The following LRP1B variants were observed in gnomAD, a reference collection of about 807,000 sequenced individuals.
LRP1B encodes the protein LDL receptor related protein 1B.
In LRP1B, 217 loss-of-function variants were observed where a neutral mutation model predicts 556.6. That is an observed-to-expected ratio of 0.39 (90% CI 0.35 to 0.44). The LOEUF (loss-of-function observed/expected upper bound fraction) is 0.44, where lower values mean the gene tolerates loss of function less well. Among genes scored for constraint, LRP1B ranks in the 20% least tolerant of loss-of-function variants. The pLI, the probability that LRP1B is intolerant of heterozygous loss-of-function variation, is 1.00. For missense variants in LRP1B, 5,053 were observed against 5,620.8 expected, an observed-to-expected ratio of 0.90 and a Z score of 3.23; for synonymous variants, 2,047 against 1,865.8, an observed-to-expected ratio of 1.10 and a Z score of -2.50.
chr2:140,554,854 A>G (rs202119132), intron 43 of LRP1B, among the ~76,000 whole-genome samples: 77 of 146,106 alleles, frequency 5.3e-4, no homozygotes, highest in Middle Eastern at 3.6e-3. Context: ...AAGTGTGTGT[A>G]TGTGTGTGTG....
At chr2:141,035,373 TA>T (rs199594024) in intron 11 of LRP1B, among the ~76,000 whole-genome samples, 1 of 141,424 alleles carries the variant, frequency 7.1e-6, no homozygotes, top group South Asian at 2.3e-4. Flanking sequence ...ATAATAATAA[TA>T]AAAAAATCTT....
chr2:141,365,315 G>A (rs180828470), intron 3 of LRP1B, among the ~76,000 whole-genome samples: 463 of 152,012 alleles, frequency 3.0e-3, no homozygotes, highest in Non-Finnish European at 5.1e-3. Flanking sequence ...CTCCCACTTC[G>A]GCCTCCCAAA....
intron 1 of LRP1B, among the ~76,000 whole-genome samples, chr2:141,894,731 AAC>A (rs1348723838): frequency 6.6e-6 from 1 of 151,778 alleles, no homozygotes; most frequent in Admixed American, 6.6e-5. Flanking sequence ...TAAACTTTAT[AAC>A]CACCTATATA....
chr2:141,976,235 A>G (rs1229611090), intron 1 of LRP1B, among the ~76,000 whole-genome samples: 1 of 152,082 alleles, frequency 6.6e-6, no homozygotes, highest in African/African-American at 2.4e-5. Context: ...ATCATCTGAG[A>G]CACCTTTTGG....
chr2:141,059,115 A>G, intron 8 of LRP1B, 61 bp from the exon 9 acceptor site: 1 of 1,091,352 alleles, frequency 9.2e-7, no homozygotes, highest in Non-Finnish European at 1.3e-6. Context: ...TTTGAAAGAA[A>G]AGCTGATTGC....
intron 41 of LRP1B, among the ~76,000 whole-genome samples, chr2:140,638,453 A>G (rs1262911546): frequency 1.3e-5 from 2 of 152,178 alleles, no homozygotes; most frequent in Non-Finnish European, 2.9e-5. Context: ...AGTGGGTGGT[A>G]TCTAAAATAG....
intron 27 of LRP1B, among the ~76,000 whole-genome samples, chr2:140,858,162 T>C (rs1351095544): frequency 3.3e-5 from 5 of 152,112 alleles, no homozygotes; most frequent in Non-Finnish European, 5.9e-5. Context: ...ATAAACATTG[T>C]ACAATTCACA....
chr2:140,417,210 G>T (rs528449161), intron 66 of LRP1B, among the ~76,000 whole-genome samples: 1 of 152,070 alleles, frequency 6.6e-6, no homozygotes, highest in Non-Finnish European at 1.5e-5. Flanking sequence ...AAATGTGTCC[G>T]CACTGACAGC....
intron 27 of LRP1B, among the ~76,000 whole-genome samples, chr2:140,857,261 G>A (rs1029360231): frequency 2.6e-5 from 4 of 152,142 alleles, no homozygotes; most frequent in Non-Finnish European, 4.4e-5. Context: ...TTGTTAGGTA[G>A]AGAAAGATTT....
chr2:140,451,224 A>G (rs1452997172), intron 62 of LRP1B, among the ~76,000 whole-genome samples: 1 of 152,184 alleles, frequency 6.6e-6, no homozygotes, highest in Non-Finnish European at 1.5e-5. Context: ...TACAGGTGTA[A>G]ATAAATCACG....
intron 20 of LRP1B, among the ~76,000 whole-genome samples, chr2:140,931,179 A>G (rs930753333): frequency 2.6e-5 from 4 of 152,122 alleles, no homozygotes; most frequent in Non-Finnish European, 5.9e-5. Context: ...TGAACTAACA[A>G]TGCAGTCAAG....
At chr2:140,341,882 A>G (rs1412608872) in intron 77 of LRP1B, among the ~76,000 whole-genome samples, 1 of 151,386 alleles carries the variant, frequency 6.6e-6, no homozygotes, top group East Asian at 2.0e-4. Context: ...GGTGTGGAGA[A>G]TGGCTTGGGT....
At chr2:140,360,532 T>A (rs2105141987) in intron 72 of LRP1B, among the ~76,000 whole-genome samples, 1 of 151,732 alleles carries the variant, frequency 6.6e-6, no homozygotes, top group Middle Eastern at 3.4e-3. Flanking sequence ...TTTGATTATA[T>A]CTTCACGCTG....
At chr2:142,036,747 C>T (rs773230962) in intron 1 of LRP1B, among the ~76,000 whole-genome samples, 3 of 151,632 alleles carry the variant, frequency 2.0e-5, no homozygotes, top group Non-Finnish European at 3.0e-5. Flanking sequence ...AACAATTATG[C>T]ATATCCAACT....
chr2:140,921,001 G>A (rs562295875), intron 21 of LRP1B, among the ~76,000 whole-genome samples: 49 of 152,020 alleles, frequency 3.2e-4, no homozygotes, highest in African/African-American at 1.2e-3. Flanking sequence ...ACAGGAAGTT[G>A]TTTTATAAGT....
intron 3 of LRP1B, among the ~76,000 whole-genome samples, chr2:141,287,327 CTT>C (rs373364398): frequency 2.8e-5 from 4 of 141,932 alleles, no homozygotes; most frequent in Non-Finnish European, 3.1e-5. Context: ...CTTTATTTTT[CTT>C]TTTTTTTTTT....
chr2:141,387,216 T>A (rs183504252), intron 3 of LRP1B, among the ~76,000 whole-genome samples: 8 of 152,052 alleles, frequency 5.3e-5, no homozygotes, highest in Admixed American at 1.3e-4. Context: ...AACAACTATA[T>A]TTAAAAATAG....
chr2:140,594,686 C>T (rs887768887), intron 43 of LRP1B, among the ~76,000 whole-genome samples: 1 of 152,076 alleles, frequency 6.6e-6, no homozygotes, highest in Non-Finnish European at 1.5e-5. Context: ...TTTTCACTCC[C>T]CTGGGGATAT....
At chr2:141,869,320 A>G (rs1216574502) in intron 1 of LRP1B, among the ~76,000 whole-genome samples, 1 of 151,996 alleles carries the variant, frequency 6.6e-6, no homozygotes, top group Non-Finnish European at 1.5e-5. Flanking sequence ...TGGCTACTAC[A>G]TTGGATGGTA....
Sources: allele counts gnomAD v4.1 joint callset (sites outside exome capture counted in the v4.1 genomes callset), GRCh38; gene constraint gnomAD v4.1.1; transcripts MANE v1.5; gene names NCBI Gene and HGNC (gene_info 2026-07-23, HGNC 2026-07-21).